The following ADAM18 variants were observed in gnomAD, a reference collection of about 807,000 sequenced individuals.
ADAM18 encodes ADAM metallopeptidase domain 18.
In ADAM18, 117 loss-of-function variants were observed where a neutral mutation model predicts 94.4. The observed-to-expected ratio is 1.24, with a 90% CI of 1.07 to 1.45. The LOEUF (loss-of-function observed/expected upper bound fraction) is 1.45, where lower values mean the gene tolerates loss of function less well. Among genes scored for constraint, ADAM18 ranks in the 40% most tolerant of loss-of-function variants. ADAM18 has a pLI of 0.00. For missense variants in ADAM18, 936 were observed against 880.0 expected (o/e 1.06, Z -0.81); for synonymous variants, 327 against 291.6 (o/e 1.12, Z -1.24).
intron 12 of ADAM18, among the ~76,000 whole-genome samples, chr8:39,653,260 A>C (rs1375931089): frequency 6.6e-6 from 1 of 152,214 alleles, no homozygotes; most frequent in South Asian, 2.1e-4. Flanking sequence ...CATGCTGTAC[A>C]TCATTAATAC....
chr8:39,620,367 A>C (rs1410284557), intron 6 of ADAM18, among the ~76,000 whole-genome samples: 6 of 110,954 alleles, frequency 5.4e-5, no homozygotes, highest in Admixed American at 9.1e-5. Flanking sequence ...CAAAAAAAAA[A>C]AAAAAAACAA....
intron 17 of ADAM18, among the ~76,000 whole-genome samples, chr8:39,694,308 C>T (rs746458573): frequency 6.6e-6 from 1 of 151,018 alleles, no homozygotes; most frequent in Admixed American, 6.6e-5. Flanking sequence ...TTAAATTTTA[C>T]CAAAGACTTT....
chr8:39,637,369 T>G lies in ADAM18; in HGVS notation c.660+34T>G. The G allele has an allele frequency of 3.2e-6, 5 of 1,567,158 alleles. No homozygotes were observed. The South Asian group carries it at 4.7e-5, about 15-fold the overall frequency. On this transcript the variant is annotated intron_variant, in intron 8 of 19. Transcript: ENST00000265707. ...TTACTTTTTCACATTTCCATTTTCATGAAAGTTTCTTTAATATAATTTGGG... is the reference window on the plus strand; with the variant it reads ...TTACTTTTTCACATTTCCATTTTCAGGAAAGTTTCTTTAATATAATTTGGG...
chr8:39,728,475 T>C (rs1177142062), intron 19 of ADAM18, among the ~76,000 whole-genome samples: 1 of 152,188 alleles, frequency 6.6e-6, no homozygotes, highest in East Asian at 1.9e-4. Flanking sequence ...AAAGTCATTA[T>C]TCTTTAATAG....
intron 14 of ADAM18, among the ~76,000 whole-genome samples, chr8:39,672,165 T>C (rs1425603227): frequency 1.3e-5 from 2 of 152,260 alleles, no homozygotes; most frequent in Admixed American, 6.5e-5. Context: ...GAAGTGGGAA[T>C]ACTGTAATCT....
intron 16 of ADAM18, among the ~76,000 whole-genome samples, chr8:39,687,470 T>C (rs2129580753): frequency 6.6e-6 from 1 of 152,298 alleles, no homozygotes; most frequent in East Asian, 1.9e-4. Context: ...TTTTATTCTA[T>C]TGTACTGTAT....
At chr8:39,723,650 C>A in intron 18 of ADAM18, 98 bp from the exon 19 acceptor site, 1 of 887,192 alleles carries the variant, frequency 1.1e-6, no homozygotes, top group Non-Finnish European at 1.6e-6. Flanking sequence ...TGCATTAAAA[C>A]TTCATTATAT....
intron 3 of ADAM18, among the ~76,000 whole-genome samples, chr8:39,608,641 A>G (rs1819165022): frequency 6.6e-6 from 1 of 152,026 alleles, no homozygotes; most frequent in Admixed American, 6.6e-5. Flanking sequence ...CACCCTCCCC[A>G]GGCCTTATCT....
rs1481818142 is a variant in ADAM18, at chr8:39,637,325, T to C, written c.650T>C (p.Leu217Pro). The change falls in exon 8 of 20, where the codon CTT becomes CCT. Residue 217 changes from leucine (L) to proline (P), a missense_variant. Leu to Pro is a moderately conservative substitution (Grantham distance 98). Coordinates refer to ENST00000265707, the MANE Select transcript of ADAM18 (RefSeq NM_014237.3). The part of the protein sequence containing the change: ...VTQKIVQVIG[L>P]VNTMFTQFKL... ...CAAAAAATTGTCCAGGTTATTGGGC[T>C]TGTCAACACTGTAAGTTTTTACTTT... 6.2e-7 allele frequency: 1 copy of C among 1,603,860 alleles called. No individual in the cohort carries two copies. The highest frequency in any genetic ancestry group is 8.5e-7 in the Non-Finnish European group (1 of 1,174,938).
Position 39,648,519 on chromosome 8 carries a change from A to G in ADAM18, c.1222A>G (p.Asn408Asp). ...LESNEECDCGNKNECQFKKCC... is the reference protein window; with the variant it reads ...LESNEECDCGDKNECQFKKCC... The stretch of plus-strand genomic sequence containing the variant: ...ATCCAATGAAGAATGTGACTGTGGT[A>G]ATAAAAATGTGAGTAACAAAGATTG... The change falls in exon 12 of 20, where the codon AAT becomes GAT. Residue 408 changes from asparagine to aspartate, a missense_variant. By Grantham distance (23) the Asn-to-Asp change is conservative. Coordinates refer to ENST00000265707, the MANE Select transcript of ADAM18 (RefSeq NM_014237.3). The G allele has an allele frequency of 1.9e-6, 3 of 1,594,518 alleles. No individual in the cohort carries two copies. Among genetic ancestry groups the G allele is most frequent in the Non-Finnish European group, 2.6e-6 (3 of 1,172,096 alleles).
At chr8:39,620,357 C>CAAAAAAAAAAAAAAACAAAAAA (rs1819574299) in intron 6 of ADAM18, among the ~76,000 whole-genome samples, 1 of 90,568 alleles carries the variant, frequency 1.1e-5, no homozygotes, top group African/African-American at 4.4e-5. Flanking sequence ...GCAACAAAAG[C>CAAAAAAAAAAAAAAACAAAAAA]AAAAAAAAAA....
At chr8:39,693,398 G>GT (rs914919281) in intron 17 of ADAM18, among the ~76,000 whole-genome samples, 32 of 149,226 alleles carry the variant, frequency 2.1e-4, no homozygotes, top group East Asian at 3.9e-4. Flanking sequence ...ACATTTTAAT[G>GT]TTTTTTTTTC....
intron 6 of ADAM18, chr8:39,611,512 G>T (rs1044046272): frequency 2.0e-5 from 20 of 984,572 alleles, no homozygotes; most frequent in Non-Finnish European, 2.2e-5. Flanking sequence ...AATTTGTCTC[G>T]ATTTTGTAGT....
intron 6 of ADAM18, among the ~76,000 whole-genome samples, chr8:39,618,878 C>T (rs750889696): frequency 1.1e-4 from 16 of 152,272 alleles, no homozygotes; most frequent in Non-Finnish European, 1.6e-4. Context: ...AAGCACATCA[C>T]GCGCTGTTGG....
intron 18 of ADAM18, among the ~76,000 whole-genome samples, chr8:39,719,299 C>T (rs1822677887): frequency 6.6e-6 from 1 of 151,236 alleles, no homozygotes; most frequent in Admixed American, 6.6e-5. Flanking sequence ...AAAAGATAAA[C>T]TTAGAGCTGT....
At chr8:39,726,545 G>A (rs964686979) in intron 19 of ADAM18, among the ~76,000 whole-genome samples, 2 of 152,014 alleles carry the variant, frequency 1.3e-5, no homozygotes, top group Admixed American at 6.6e-5. Flanking sequence ...CTATGCAAAA[G>A]CTTTTTAGTT....
chr8:39,604,867 A>G (rs932678067), intron 2 of ADAM18: 6 of 152,046 alleles, frequency 3.9e-5, no homozygotes, highest in Non-Finnish European at 5.9e-5. Context: ...TACTCCTTTT[A>G]TTTGTTGAAT....
chr8:39,633,458 A>G (rs948561430), intron 7 of ADAM18, among the ~76,000 whole-genome samples: 1 of 152,188 alleles, frequency 6.6e-6, no homozygotes, highest in African/African-American at 2.4e-5. Context: ...GTTTTTAGAA[A>G]TTACTTAAGT....
chr8:39,594,369 A>T (rs531126141), intron 2 of ADAM18, among the ~76,000 whole-genome samples: 131 of 152,170 alleles, frequency 8.6e-4, no homozygotes, highest in Non-Finnish European at 1.6e-3. Context: ...TCAATATGAA[A>T]AGGTAAACTT....
Sources: gnomAD v4.1 joint callset for allele counts (sites outside exome capture counted in the v4.1 genomes callset) on GRCh38, gnomAD v4.1.1 for gene constraint, MANE v1.5 for transcripts, NCBI Gene and HGNC (gene_info 2026-07-23, HGNC 2026-07-21) for gene names.